PLCB1: variants seen among roughly 807,000 people sequenced by gnomAD.
PLCB1 encodes phospholipase C beta 1.
A neutral mutation model predicts 161.8 loss-of-function variants in PLCB1; 46 were observed. That is an observed-to-expected ratio of 0.28 (90% CI 0.22 to 0.36). The LOEUF (loss-of-function observed/expected upper bound fraction) is 0.36. Ranked by LOEUF, PLCB1 falls within the 10% of genes least tolerant of loss-of-function variation. The pLI, the probability that PLCB1 is intolerant of heterozygous loss-of-function variation, is 1.00. For missense variants in PLCB1, 1,016 were observed against 1,472.5 expected (o/e 0.69, Z 5.07); for synonymous variants, 517 against 503.7 (o/e 1.03, Z -0.35).
intron 27 of PLCB1, among the ~76,000 whole-genome samples, chr20:8,778,255 A>C (rs547678370): frequency 6.6e-6 from 1 of 152,290 alleles, no homozygotes; most frequent in Non-Finnish European, 1.5e-5. Flanking sequence ...AACAGAAGCC[A>C]AAACATCCCA....
intron 31 of PLCB1, among the ~76,000 whole-genome samples, chr20:8,804,488 AG>A (rs1984430256): frequency 6.6e-6 from 1 of 152,336 alleles, no homozygotes; most frequent in Admixed American, 6.5e-5. Flanking sequence ...ATGTCAAAAT[AG>A]GTCTCGTGGC....
chr20:8,486,722 C>T (rs1982746979), intron 3 of PLCB1, among the ~76,000 whole-genome samples: 1 of 151,642 alleles, frequency 6.6e-6, no homozygotes, highest in Non-Finnish European at 1.5e-5. Flanking sequence ...GTCTCGATCT[C>T]CTGACCTCAT....
At chr20:8,725,402 C>G (rs1375103036) in intron 16 of PLCB1, among the ~76,000 whole-genome samples, 1 of 152,074 alleles carries the variant, frequency 6.6e-6, no homozygotes, top group Non-Finnish European at 1.5e-5. Flanking sequence ...TTAAGGGAAT[C>G]CTTGAAACTT....
chr20:8,715,356 G>A (rs778156911), intron 12 of PLCB1, among the ~76,000 whole-genome samples: 1 of 152,340 alleles, frequency 6.6e-6, no homozygotes, highest in Non-Finnish European at 1.5e-5. Context: ...TCTAGCTGGC[G>A]GACGCCGCCT....
Position 8,603,990 on chromosome 20 carries a change from C to T in PLCB1, c.247-24304C>T, listed in dbSNP as rs913750059. Among the ~76,000 whole-genome samples the T allele has an allele frequency of 3.1e-4, 47 of 152,240 alleles. 1 individual carries two copies. The highest frequency in any genetic ancestry group is 1.1e-3 in the African/African-American group (44 of 41,550). ...ACTATTGGCCGGGTGTGGTGGCTCA[C>T]GCCTGTGATCCCAGCACTTTGGAAG... On this transcript the variant is annotated intron_variant, in intron 3 of 31. Transcript: ENST00000338037.
intron 3 of PLCB1, among the ~76,000 whole-genome samples, chr20:8,393,662 A>G (rs542631326): frequency 4.6e-5 from 7 of 152,244 alleles, no homozygotes; most frequent in African/African-American, 1.7e-4. Flanking sequence ...GGGAAATGCT[A>G]AGGGTTCCTT....
In PLCB1 at chr20:8,555,149, G is replaced by A. The variant is rs192671674; in HGVS notation, c.247-73145G>A. ...AGAGTTGAGTTTGATAATTTTTGCT[G>A]GTTTTATCAGTGTTTTCGTGGAGAA... is the stretch of plus-strand genomic sequence containing the variant. On this transcript the variant is annotated intron_variant, in intron 3 of 31. Coordinates refer to ENST00000338037, the MANE Select transcript of PLCB1 (RefSeq NM_015192.4). Among the ~76,000 whole-genome samples the A allele has an allele frequency of 5.6e-4, 85 of 151,958 alleles. 2 individuals carry two copies. The highest frequency in any genetic ancestry group is 2.0e-3 in the African/African-American group (85 of 41,476).
In PLCB1 at chr20:8,316,631, C is replaced by G. The variant is rs1984667739; in HGVS notation, c.178-54751C>G. Among the ~76,000 whole-genome samples, 4 of 152,136 alleles carry G rather than the reference C, an allele frequency of 2.6e-5. 1 individual carries two copies. The highest frequency in any genetic ancestry group is 6.6e-5 in the Admixed American group (1 of 15,266). ...CATAGTTATTAATCCCAGAACTATTCTCTAATAAATGCCTATATACAAACC... is the reference window on the plus strand; with the variant it reads ...CATAGTTATTAATCCCAGAACTATTGTCTAATAAATGCCTATATACAAACC... On this transcript the variant is annotated intron_variant, in intron 2 of 31. Transcript: ENST00000338037.
intron 3 of PLCB1, among the ~76,000 whole-genome samples, chr20:8,419,865 ATTTTT>A (rs571441193): frequency 6.6e-6 from 1 of 152,076 alleles, no homozygotes; most frequent in African/African-American, 2.4e-5. Flanking sequence ...TAAAGTTTGA[ATTTTT>A]TTAAGATAAC....
rs563333612 is a variant in PLCB1, at chr20:8,541,096, G to A, written c.247-87198G>A. On this transcript the variant is annotated intron_variant, in intron 3 of 31. Transcript: ENST00000338037. ...CACTGTTCCTTCCATTTTAAACAGT[G>A]GGGATCTTACCTATGTTAAGCATTT... Among the ~76,000 whole-genome samples, 3 of 152,206 alleles carry A rather than the reference G, an allele frequency of 2.0e-5. No individual in the cohort carries two copies. The South Asian group carries it at 6.2e-4, about 32-fold the overall frequency.
chr20:8,452,770 A>G (rs1981127695), intron 3 of PLCB1, among the ~76,000 whole-genome samples: 1 of 152,246 alleles, frequency 6.6e-6, no homozygotes, highest in Non-Finnish European at 1.5e-5. Flanking sequence ...ATAGGATTTA[A>G]CCAGATGAAT....
intron 2 of PLCB1, among the ~76,000 whole-genome samples, chr20:8,152,453 C>G (rs1480949842): frequency 6.6e-5 from 10 of 152,118 alleles, no homozygotes; most frequent in African/African-American, 2.4e-4. Flanking sequence ...ATGGTGCATG[C>G]AAATAAAAGA....
intron 2 of PLCB1, among the ~76,000 whole-genome samples, chr20:8,364,293 G>A (rs963459016): frequency 6.6e-6 from 1 of 152,120 alleles, no homozygotes; most frequent in Admixed American, 6.6e-5. Context: ...ATTATCTGCC[G>A]CATTCATATA....
chr20:8,717,936 A>G (rs908691252), intron 14 of PLCB1, 88 bp downstream of exon 14: 27 of 1,162,060 alleles, frequency 2.3e-5, no homozygotes, highest in Middle Eastern at 2.3e-4. Flanking sequence ...CATGCCTGTA[A>G]TACTACTACT....
chr20:8,700,491 G>A (rs1426713395), intron 11 of PLCB1, among the ~76,000 whole-genome samples: 3 of 152,198 alleles, frequency 2.0e-5, no homozygotes, highest in Non-Finnish European at 2.9e-5. Flanking sequence ...TAATCCCAGA[G>A]TCACGGGCTG....
chr20:8,503,163 A>T (rs57544492), intron 3 of PLCB1, among the ~76,000 whole-genome samples: 3,062 of 152,252 alleles, frequency 0.02, 127 homozygotes, highest in African/African-American at 0.07. Flanking sequence ...CACAAAGGCC[A>T]CCAGTAGGAG....
intron 31 of PLCB1, among the ~76,000 whole-genome samples, chr20:8,804,578 G>GA (rs1316207257): frequency 6.6e-6 from 1 of 152,044 alleles, no homozygotes; most frequent in East Asian, 1.9e-4. Flanking sequence ...ATAGTGTATG[G>GA]AAAAAAGATT....
intron 3 of PLCB1, among the ~76,000 whole-genome samples, chr20:8,607,632 A>G (rs1184506751): frequency 6.6e-6 from 1 of 151,618 alleles, no homozygotes; most frequent in Non-Finnish European, 1.5e-5. Context: ...ACCCCAATCC[A>G]CTCATTATTT....
chr20:8,744,819 A>G (rs890534441), intron 23 of PLCB1, among the ~76,000 whole-genome samples: 1 of 152,064 alleles, frequency 6.6e-6, no homozygotes, highest in Admixed American at 6.6e-5. Flanking sequence ...AATGAGAGAC[A>G]TAAGGCCTTT....
Sources: gnomAD v4.1 joint callset for allele counts (sites outside exome capture counted in the v4.1 genomes callset) on GRCh38, gnomAD v4.1.1 for gene constraint, MANE v1.5 for transcripts, NCBI Gene and HGNC (gene_info 2026-07-23, HGNC 2026-07-21) for gene names.